The following TRAPPC8 variants were observed in gnomAD, a reference collection of about 807,000 sequenced individuals.
TRAPPC8 encodes the protein general sporulation gene 1 homolog.
A neutral mutation model predicts 174.3 loss-of-function variants in TRAPPC8; 54 were observed. The ratio of observed to expected loss-of-function variants is 0.31; its 90% CI spans 0.25 to 0.39. TRAPPC8 has a LOEUF of 0.39. TRAPPC8 is among the 10% of genes least tolerant of loss of function. The pLI is 1.00. For missense variants in TRAPPC8, 1,531 were observed against 1,699.1 expected (o/e 0.90, Z 1.74); for synonymous variants, 630 against 579.9 (o/e 1.09, Z -1.24).
intron 24 of TRAPPC8, among the ~76,000 whole-genome samples, chr18:31,850,914 A>T (rs545459397): frequency 9.0e-4 from 137 of 151,764 alleles, no homozygotes; most frequent in African/African-American, 3.0e-3. Flanking sequence ...AAAGAAATTT[A>T]AAAAAAAATA....
intron 4 of TRAPPC8, among the ~76,000 whole-genome samples, chr18:31,915,965 G>A (rs189882739): frequency 3.3e-5 from 5 of 150,254 alleles, no homozygotes; most frequent in Non-Finnish European, 7.4e-5. Context: ...GCTGAGGCAG[G>A]AGAATTGCTT....
At chr18:31,915,178 C>G (rs751018711) in intron 4 of TRAPPC8, among the ~76,000 whole-genome samples, 18 of 152,194 alleles carry the variant, frequency 1.2e-4, no homozygotes, top group Non-Finnish European at 1.8e-4. Flanking sequence ...CATATGAAAT[C>G]TAACATAAGG....
chr18:31,896,427 C>G (rs886868147), intron 11 of TRAPPC8: 2 of 151,124 alleles, frequency 1.3e-5, no homozygotes, highest in Non-Finnish European at 2.9e-5. Context: ...CCATCCCCAC[C>G]CCCACCTCCA....
intron 24 of TRAPPC8, among the ~76,000 whole-genome samples, chr18:31,850,686 CCTT>C (rs2033662024): frequency 6.6e-6 from 1 of 152,080 alleles, no homozygotes; most frequent in South Asian, 2.1e-4. Context: ...TACATTTTCT[CCTT>C]ATGAGCGAAC....
chr18:31,915,189 C>T (rs2037077602), intron 4 of TRAPPC8, among the ~76,000 whole-genome samples: 1 of 152,174 alleles, frequency 6.6e-6, no homozygotes. Flanking sequence ...TAACATAAGG[C>T]CAGGCGAGGT....
intron 14 of TRAPPC8, among the ~76,000 whole-genome samples, chr18:31,872,831 T>G (rs1319335852): frequency 6.6e-6 from 1 of 152,122 alleles, no homozygotes; most frequent in Non-Finnish European, 1.5e-5. Context: ...CATTAAACGT[T>G]TATGAAGATT....
Position 31,857,784 on chromosome 18 carries a change from T to C in TRAPPC8, c.2944A>G (p.Lys982Glu). Reference sequence around the variant, plus strand: ...GAGGTAGCATCTGTCACAACAGTCTTGTAAGCACTACAATTCTCAGAAGCT... The same window carrying C: ...GAGGTAGCATCTGTCACAACAGTCTCGTAAGCACTACAATTCTCAGAAGCT... ...PSASENCSAY[K>E]TVVTDATSVC... The change falls in exon 20 of 29, where the codon AAG (lysine) becomes GAG (glutamate). Residue 982 changes from lysine to glutamate, a missense_variant. By Grantham distance (56) the Lys-to-Glu change is moderately conservative. Coordinates refer to ENST00000283351, the MANE Select transcript of TRAPPC8 (RefSeq NM_014939.5). The C allele has an allele frequency of 6.2e-7, 1 of 1,614,158 alleles. No homozygotes were observed. Among genetic ancestry groups the C allele is most frequent in the Non-Finnish European group, 8.5e-7 (1 of 1,180,026 alleles).
At chr18:31,838,913 T>TA (rs2032928941) in intron 27 of TRAPPC8, among the ~76,000 whole-genome samples, 1 of 152,124 alleles carries the variant, frequency 6.6e-6, no homozygotes, top group Non-Finnish European at 1.5e-5. Context: ...TTCCATCCTA[T>TA]CCCCATCCCC....
intron 25 of TRAPPC8, 98 bp downstream of exon 25, chr18:31,849,468 T>A (rs938496565): frequency 9.3e-7 from 1 of 1,079,242 alleles, no homozygotes; most frequent in East Asian, 3.1e-5. Context: ...CTAGAAAAGA[T>A]AAGCATAAAA....
At chr18:31,934,013 C>T (rs2037970750) in intron 1 of TRAPPC8, among the ~76,000 whole-genome samples, 2 of 151,616 alleles carry the variant, frequency 1.3e-5, no homozygotes, top group African/African-American at 4.8e-5. Context: ...CAAGGTGAAA[C>T]CCCCATCTCT....
At chr18:31,886,062 A>G (rs1004698875) in intron 12 of TRAPPC8, among the ~76,000 whole-genome samples, 86 of 150,566 alleles carry the variant, frequency 5.7e-4, no homozygotes, top group African/African-American at 2.1e-3. Context: ...CTGGAGTGCA[A>G]TGGTGCAATC....
chr18:31,933,328 A>G (rs1399914226), intron 1 of TRAPPC8, among the ~76,000 whole-genome samples: 1 of 151,006 alleles, frequency 6.6e-6, no homozygotes, highest in Non-Finnish European at 1.5e-5. Flanking sequence ...AAAGGAGTCC[A>G]TTATAATGAT....
At chr18:31,849,497 C>G in intron 25 of TRAPPC8, 69 bp downstream of exon 25, 1 of 1,272,488 alleles carries the variant, frequency 7.9e-7, no homozygotes, top group Non-Finnish European at 1.0e-6. Flanking sequence ...TAGTAATATA[C>G]GTTTGTGCTT....
At chr18:31,832,054 C>A in intron 28 of TRAPPC8, 30 bp downstream of exon 28, 2 of 1,393,568 alleles carry the variant, frequency 1.4e-6, no homozygotes, top group South Asian at 2.7e-5. Context: ...GCTCCCAAAT[C>A]AAATAACCTT....
intron 20 of TRAPPC8, 150 bp from the exon 21 acceptor site, chr18:31,855,957 A>G (rs909834901): frequency 3.4e-6 from 3 of 881,210 alleles, no homozygotes; most frequent in Middle Eastern, 3.5e-4. Context: ...AAAATTACAT[A>G]GTTAGCCTAA....
intron 1 of TRAPPC8, among the ~76,000 whole-genome samples, chr18:31,932,476 T>C (rs1413658100): frequency 6.6e-6 from 1 of 151,822 alleles, no homozygotes; most frequent in Admixed American, 6.6e-5. Flanking sequence ...TCCAGATCCC[T>C]TTTACCACCC....
chr18:31,848,777 T>C (rs1466070107), intron 25 of TRAPPC8, among the ~76,000 whole-genome samples: 1 of 152,150 alleles, frequency 6.6e-6, no homozygotes, highest in East Asian at 1.9e-4. Flanking sequence ...AGATCCTTAA[T>C]TTTACTGCAG....
At chr18:31,936,337 A>G (rs2038096483) in intron 1 of TRAPPC8, among the ~76,000 whole-genome samples, 1 of 151,802 alleles carries the variant, frequency 6.6e-6, no homozygotes, top group African/African-American at 2.4e-5. Context: ...TGTGATGCAA[A>G]CCTGTAATCC....
intron 2 of TRAPPC8, 105 bp downstream of exon 2, chr18:31,931,224 T>C (rs575416044): frequency 3.7e-6 from 4 of 1,080,794 alleles, no homozygotes; most frequent in Admixed American, 2.9e-5. Flanking sequence ...CCCTAGCACT[T>C]AGTAAACTCT....
Sources: gnomAD v4.1 joint callset for allele counts (sites outside exome capture counted in the v4.1 genomes callset) on GRCh38, gnomAD v4.1.1 for gene constraint, MANE v1.5 for transcripts, NCBI Gene and HGNC (gene_info 2026-07-23, HGNC 2026-07-21) for gene names.